Variants in KCNH7 observed in about 807,000 individuals in gnomAD.
KCNH7 encodes the protein voltage-gated inwardly rectifying potassium channel KCNH7.
Under a neutral mutation model 120.8 loss-of-function variants are expected in KCNH7, and 49 were observed. The observed-to-expected ratio is 0.41, with a 90% CI of 0.32 to 0.51. The LOEUF is 0.51. Ranked by LOEUF, KCNH7 falls within the 20% of genes least tolerant of loss-of-function variation. The pLI, the probability that KCNH7 is intolerant of heterozygous loss-of-function variation, is 0.38. For missense variants in KCNH7, 1,097 were observed against 1,446.6 expected, an observed-to-expected ratio of 0.76 and a Z score of 3.92; for synonymous variants, 547 against 516.1, an observed-to-expected ratio of 1.06 and a Z score of -0.81.
intron 12 of KCNH7, among the ~76,000 whole-genome samples, chr2:162,385,254 G>C (rs758175073): frequency 6.6e-6 from 1 of 151,876 alleles, no homozygotes; most frequent in Non-Finnish European, 1.5e-5. Context: ...TCTTTCTTTA[G>C]GGAAATGAAA....
At position 162,838,486 on chromosome 2, in the gene KCNH7, T is replaced by C. The variant is rs368962115; in HGVS notation, c.33A>G (p.Gln11=). The change falls in exon 1 of 16, where the codon CAA becomes CAG. Residue 11 remains glutamine, a synonymous_variant. Transcript: ENST00000332142. The part of the protein sequence containing the change: MPVRRGHVAP[Q]NTFLGTIIRK... ...GAATGATGGTCCCCAGAAATGTATT[T>C]TGTGGTGCCACATGCCCCCTGCGCA... The C allele has an allele frequency of 2.8e-5, 45 of 1,613,644 alleles. No individual in the cohort carries two copies. Among genetic ancestry groups the C allele is most frequent in the Non-Finnish European group, 3.3e-5 (39 of 1,179,980 alleles).
chr2:162,621,051 C>T (rs896195138), intron 2 of KCNH7, among the ~76,000 whole-genome samples: 1 of 151,982 alleles, frequency 6.6e-6, no homozygotes, highest in African/African-American at 2.4e-5. Flanking sequence ...CATCAAATTA[C>T]CTTGTCCCAT....
At chr2:162,405,106 G>T (rs1687170785) in intron 9 of KCNH7, among the ~76,000 whole-genome samples, 1 of 151,872 alleles carries the variant, frequency 6.6e-6, no homozygotes, top group South Asian at 2.1e-4. Context: ...AAAATTTCAA[G>T]TTCCAGAAAA....
intron 2 of KCNH7, among the ~76,000 whole-genome samples, chr2:162,614,009 T>C (rs549764868): frequency 6.6e-6 from 1 of 151,932 alleles, no homozygotes; most frequent in South Asian, 2.1e-4. Flanking sequence ...ACAAAGAAAC[T>C]GAGCCTCTTA....
rs1686081127 is a variant in KCNH7 at position 162,690,964 on chromosome 2, C to G, written c.307+145573G>C. Among the ~76,000 whole-genome samples the G allele has an allele frequency of 3.3e-5, 5 of 152,234 alleles. No homozygotes were observed. The South Asian group carries it at 1.0e-3, about 32-fold the overall frequency. On this transcript the variant is annotated intron_variant, in intron 2 of 15. Coordinates refer to ENST00000332142, the MANE Select transcript of KCNH7 (RefSeq NM_033272.4). ...TCCAATTATCTTTTGTTCCACTTCT[C>G]AGTGTTAATAAAGATAGGGAGGAAT...
intron 9 of KCNH7, among the ~76,000 whole-genome samples, chr2:162,407,624 C>G (rs964392375): frequency 6.6e-6 from 1 of 151,922 alleles, no homozygotes; most frequent in African/African-American, 2.4e-5. Context: ...AAACTTGGAA[C>G]CCATTAAGGT....
chr2:162,472,845 T>C (rs1410482593), intron 6 of KCNH7, among the ~76,000 whole-genome samples: 2 of 152,180 alleles, frequency 1.3e-5, no homozygotes, highest in African/African-American at 4.8e-5. Context: ...GACCCAAATG[T>C]CCATCAGTGA....
At chr2:162,788,773 A>T (rs2105512328) in intron 2 of KCNH7, among the ~76,000 whole-genome samples, 1 of 152,138 alleles carries the variant, frequency 6.6e-6, no homozygotes, top group Admixed American at 6.5e-5. Context: ...CATTCATAAA[A>T]TGTAAATTAC....
At chr2:162,637,242 A>G (rs1181263880) in intron 2 of KCNH7, among the ~76,000 whole-genome samples, 1 of 151,942 alleles carries the variant, frequency 6.6e-6, no homozygotes, top group Non-Finnish European at 1.5e-5. Context: ...ATATCATTTA[A>G]TCCTTCCCTA....
At chr2:162,640,822 A>G (rs1007425586) in intron 2 of KCNH7, among the ~76,000 whole-genome samples, 10 of 152,164 alleles carry the variant, frequency 6.6e-5, no homozygotes, top group African/African-American at 2.2e-4. Context: ...GACCTCTCAA[A>G]GCTCACTAGT....
chr2:162,451,639 T>G (rs527707188), intron 6 of KCNH7, among the ~76,000 whole-genome samples: 3 of 152,052 alleles, frequency 2.0e-5, no homozygotes, highest in Admixed American at 1.3e-4. Context: ...TTGATGAAGA[T>G]AGTTGGAAGG....
At chr2:162,712,890 G>A (rs1246072842) in intron 2 of KCNH7, among the ~76,000 whole-genome samples, 2 of 152,156 alleles carry the variant, frequency 1.3e-5, no homozygotes, top group African/African-American at 4.8e-5. Flanking sequence ...GTTTACATTT[G>A]ATTGTAAAAT....
chr2:162,740,364 A>C (rs912168252), intron 2 of KCNH7, among the ~76,000 whole-genome samples: 1 of 152,196 alleles, frequency 6.6e-6, no homozygotes, highest in Non-Finnish European at 1.5e-5. Flanking sequence ...AAGCATTGTG[A>C]GTGAAAGGCC....
chr2:162,816,554 C>T (rs940344008), intron 2 of KCNH7, among the ~76,000 whole-genome samples: 14 of 152,106 alleles, frequency 9.2e-5, no homozygotes, highest in African/African-American at 3.4e-4. Context: ...CTTGATACAT[C>T]ACCTCCTAAT....
chr2:162,590,092 T>G (rs1405527335), intron 2 of KCNH7, among the ~76,000 whole-genome samples: 3 of 152,068 alleles, frequency 2.0e-5, no homozygotes, highest in Admixed American at 6.6e-5. Context: ...TAACTCTGGG[T>G]GCAAGTCGGG....
At chr2:162,829,695 C>G (rs1253223822) in intron 2 of KCNH7, among the ~76,000 whole-genome samples, 1 of 151,826 alleles carries the variant, frequency 6.6e-6, no homozygotes, top group Non-Finnish European at 1.5e-5. Flanking sequence ...GATTTAATAT[C>G]TTAGATTACT....
chr2:162,480,696 T>C (rs1420757483), intron 6 of KCNH7, among the ~76,000 whole-genome samples: 1 of 152,166 alleles, frequency 6.6e-6, no homozygotes, highest in African/African-American at 2.4e-5. Context: ...AAACTCTATT[T>C]ATAATTTTGT....
At chr2:162,756,842 T>A (rs1688804970) in intron 2 of KCNH7, among the ~76,000 whole-genome samples, 1 of 152,182 alleles carries the variant, frequency 6.6e-6, no homozygotes, top group African/African-American at 2.4e-5. Flanking sequence ...ACAGGGTGTT[T>A]CTAAAGTGAG....
At chr2:162,663,700 G>T (rs967242770) in intron 2 of KCNH7, among the ~76,000 whole-genome samples, 2 of 151,970 alleles carry the variant, frequency 1.3e-5, no homozygotes, top group African/African-American at 4.8e-5. Context: ...CCTAATATTA[G>T]TATTGAAAAT....
Sources: gnomAD v4.1 joint callset for allele counts (sites outside exome capture counted in the v4.1 genomes callset) on GRCh38, gnomAD v4.1.1 for gene constraint, MANE v1.5 for transcripts, NCBI Gene and HGNC (gene_info 2026-07-23, HGNC 2026-07-21) for gene names.